The following PTPN3 variants were observed in gnomAD, a reference collection of about 807,000 sequenced individuals.
PTPN3 encodes the protein tyrosine-protein phosphatase non-receptor type 3.
PTPN3 carries 96 observed loss-of-function variants against 132.7 expected under a neutral mutation model. That is an observed-to-expected ratio of 0.72 (90% confidence interval 0.61 to 0.86). The LOEUF is 0.86. PTPN3 is among the 40% of genes least tolerant of loss of function. The pLI is 0.00. For synonymous variants in PTPN3, 398 were observed against 429.0 expected (o/e 0.93, Z 0.89); for missense variants, 1,125 against 1,159.6 (o/e 0.97, Z 0.43).
Position 109,404,596 on chromosome 9 carries a change from A to T in PTPN3, c.1805T>A (p.Phe602Tyr), listed in dbSNP as rs949371683. The change falls in exon 19 of 26, where the codon TTT (phenylalanine) becomes TAT (tyrosine). Residue 602 changes from phenylalanine (F) to tyrosine (Y), a missense_variant. Transcript: ENST00000374541. Reference protein sequence around the residue: ...LVIRRRAVRSFADFKSEDELN... With the variant: ...LVIRRRAVRSYADFKSEDELN... The stretch of plus-strand genomic sequence containing the variant: ...TTCATCTTCAGACTTGAAGTCAGCA[A>T]ATGAGCGGACAGCTGTAACGTACAA... 1 of 1,540,802 alleles carries T rather than the reference A, an allele frequency of 6.5e-7. No homozygotes were observed. Among genetic ancestry groups the T allele is most frequent in the Non-Finnish European group, 8.8e-7 (1 of 1,131,876 alleles).
intron 2 of PTPN3, 145 bp downstream of exon 2, chr9:109,463,152 C>T (rs1845931329): frequency 1.2e-6 from 1 of 861,924 alleles, no homozygotes; most frequent in Non-Finnish European, 1.7e-6. Context: ...TTAAGTATTT[C>T]CAGTGCAATC....
intron 1 of PTPN3, among the ~76,000 whole-genome samples, chr9:109,493,167 C>T (rs1219432601): frequency 6.6e-6 from 1 of 152,186 alleles, no homozygotes; most frequent in African/African-American, 2.4e-5. Context: ...CTTTGAGAGG[C>T]TGAGGCAGGA....
the PTPN3 span, among the ~76,000 whole-genome samples, chr9:109,521,152 A>T: frequency 3.9e-3 from 589 of 152,126 alleles, 3 homozygotes; most frequent in African/African-American, 0.013. Context: ...CCAGAGGGGG[A>T]TGTTCTGAAT....
chr9:109,423,212 T>C (rs1355004739), intron 12 of PTPN3, among the ~76,000 whole-genome samples: 2 of 152,214 alleles, frequency 1.3e-5, no homozygotes, highest in Non-Finnish European at 2.9e-5. Flanking sequence ...GTAAAAATAT[T>C]AACCATTTTT....
At chr9:109,423,717 G>C (rs553791942) in intron 12 of PTPN3, among the ~76,000 whole-genome samples, 9 of 152,250 alleles carry the variant, frequency 5.9e-5, no homozygotes, top group African/African-American at 1.9e-4. Flanking sequence ...TAGCTATCTA[G>C]ACCCCTCAGA....
In PTPN3 at chr9:109,429,077, T is replaced by C. The variant is rs1177331357; in HGVS notation, c.765-393A>G. On this transcript the variant is annotated intron_variant, in intron 10 of 25. Coordinates refer to ENST00000374541, the MANE Select transcript of PTPN3 (RefSeq NM_002829.4). ...TGGTCCGAACCCCAGCTCCATTACTTAACAGCCACGTGTCAAGTAGCCTAC... is the reference window on the plus strand; with the variant it reads ...TGGTCCGAACCCCAGCTCCATTACTCAACAGCCACGTGTCAAGTAGCCTAC... 25 of 983,960 alleles carry C rather than the reference T, an allele frequency of 2.5e-5. No individual in the cohort carries two copies. In the Admixed American group the frequency reaches 8.0e-4, roughly 31 times the overall value. 61.0% of individuals were successfully genotyped at this position (983,960 alleles called of 1,614,324 possible). A position where few individuals can be genotyped will look rare whatever the true frequency, so the allele number is the denominator to read the frequency against.
intron 19 of PTPN3, among the ~76,000 whole-genome samples, chr9:109,393,197 A>G (rs905902977): frequency 4.6e-5 from 7 of 152,182 alleles, no homozygotes; most frequent in African/African-American, 7.2e-5. Context: ...ATTATATAGT[A>G]TCTATTTCCC....
intron 7 of PTPN3, among the ~76,000 whole-genome samples, chr9:109,441,451 G>A (rs1844461897): frequency 6.6e-6 from 1 of 152,042 alleles, no homozygotes; most frequent in African/African-American, 2.4e-5. Flanking sequence ...TTTCCCAGAT[G>A]CTCTCCCCTC....
In PTPN3 at chr9:109,418,296, G is replaced by A. The variant is rs80288992; in HGVS notation, c.1313+2128C>T. 2.5e-3 allele frequency among the ~76,000 whole-genome samples: 382 copies of A among 152,336 alleles called. 1 individual carries two copies. The highest frequency in any genetic ancestry group is 8.6e-3 in the African/African-American group (357 of 41,564). ...CAGCCAAGGATGTATAAAGTGTGCCGCTGGACTTGGGAATGAATGCAAGCC... is the reference window on the plus strand; with the variant it reads ...CAGCCAAGGATGTATAAAGTGTGCCACTGGACTTGGGAATGAATGCAAGCC... On this transcript the variant is annotated intron_variant, in intron 14 of 25. Transcript: ENST00000374541.
At chr9:109,494,199 C>T (rs916355325) in intron 1 of PTPN3, among the ~76,000 whole-genome samples, 3 of 152,174 alleles carry the variant, frequency 2.0e-5, no homozygotes, top group African/African-American at 4.8e-5. Context: ...TGGCTGGGTG[C>T]GGTGGCTCAC....
At chr9:109,533,931 G>T in the PTPN3 span, 2 of 751,914 alleles carry the variant, frequency 2.7e-6, no homozygotes, top group South Asian at 3.0e-5. Context: ...TTACTGCCTT[G>T]AACTGGAACA....
intron 1 of PTPN3, among the ~76,000 whole-genome samples, chr9:109,464,685 T>G (rs1219916623): frequency 6.6e-6 from 1 of 152,212 alleles, no homozygotes; most frequent in Admixed American, 6.5e-5. Context: ...AAAGACCCCA[T>G]TTATCAAATG....
chr9:109,456,991 G>C (rs1173148339), intron 4 of PTPN3, 182 bp downstream of exon 4: 1 of 640,454 alleles, frequency 1.6e-6, no homozygotes, highest in African/African-American at 1.8e-5. Context: ...ATCCTAGAGG[G>C]CTGATCTGGA....
At chr9:109,494,443 C>T (rs1360025892) in intron 1 of PTPN3, among the ~76,000 whole-genome samples, 1 of 152,090 alleles carries the variant, frequency 6.6e-6, no homozygotes, top group Non-Finnish European at 1.5e-5. Flanking sequence ...TCTCAAAAAA[C>T]AAAAAAGACC....
At chr9:109,481,285 T>A (rs945021180) in intron 1 of PTPN3, among the ~76,000 whole-genome samples, 2 of 152,144 alleles carry the variant, frequency 1.3e-5, no homozygotes, top group African/African-American at 4.8e-5. Context: ...GTCTCAGTGA[T>A]GGCCAACTAT....
chr9:109,465,960 G>A (rs528581498), intron 1 of PTPN3, among the ~76,000 whole-genome samples: 161 of 152,044 alleles, frequency 1.1e-3, no homozygotes, highest in African/African-American at 3.3e-3. Context: ...CCAGTTCATC[G>A]TCAGTGCTCA....
At chr9:109,405,103 G>A (rs1225614453) in intron 18 of PTPN3, among the ~76,000 whole-genome samples, 1 of 152,160 alleles carries the variant, frequency 6.6e-6, no homozygotes, top group East Asian at 1.9e-4. Flanking sequence ...CTATGTGGGA[G>A]GCTCCCACGT....
Position 109,498,136 on chromosome 9 carries a change from G to A in PTPN3, c.-18+83C>T, listed in dbSNP as rs892974829. 6.8e-6 allele frequency: 1 copy of A among 145,986 alleles called. No homozygotes were observed. The highest frequency in any genetic ancestry group is 2.5e-5 in the African/African-American group (1 of 40,750). The allele number at this position is 145,986 out of a possible 1,614,324, so 9.0% of individuals were successfully genotyped here. A position where few individuals can be genotyped will look rare whatever the true frequency, so the allele number is the denominator to read the frequency against. On this transcript the variant is annotated intron_variant, in intron 1 of 25. Transcript: ENST00000374541. This position sits in a 1 kb window ranked among gnomAD's most constrained non-coding sequence, Gnocchi z 4.2. ...GCCGCGCGCCCCAGGGACGGGTGGG[G>A]GCGGGGTGGCGCCGAGCGCGACCCC...
At chr9:109,457,803 C>T (rs765915267) in intron 2 of PTPN3, among the ~76,000 whole-genome samples, 3 of 152,204 alleles carry the variant, frequency 2.0e-5, no homozygotes, top group Non-Finnish European at 4.4e-5. Context: ...GGCTCCTACT[C>T]CTGGAGAAGC....
Sources: allele counts gnomAD v4.1 joint callset (sites outside exome capture counted in the v4.1 genomes callset), GRCh38; gene constraint gnomAD v4.1.1; non-coding constraint Gnocchi (gnomAD v3.1); transcripts MANE v1.5; gene names NCBI Gene and HGNC (gene_info 2026-07-23, HGNC 2026-07-21).